CLASP2: variants seen among roughly 807,000 people sequenced by gnomAD.
CLASP2 encodes cytoplasmic linker associated protein 2.
Under a neutral mutation model 194.4 loss-of-function variants are expected in CLASP2, and 47 were observed. The ratio of observed to expected loss-of-function variants is 0.24; its 90% confidence interval spans 0.19 to 0.31. CLASP2 has a LOEUF of 0.31. Ranked by LOEUF, CLASP2 falls within the 10% of genes least tolerant of loss-of-function variation. CLASP2 has a pLI of 1.00. For missense variants in CLASP2, 1,445 were observed against 1,823.6 expected (o/e 0.79, Z 3.78); for synonymous variants, 619 against 633.5 (o/e 0.98, Z 0.34).
chr3:33,527,065 A>T (rs1478765027), intron 34 of CLASP2, among the ~76,000 whole-genome samples: 2 of 152,242 alleles, frequency 1.3e-5, no homozygotes, highest in African/African-American at 4.8e-5. Flanking sequence ...AACTGAAAGA[A>T]TTAGAGAAGG....
chr3:33,520,792 T>C (rs1375412016), intron 34 of CLASP2, among the ~76,000 whole-genome samples: 4 of 150,904 alleles, frequency 2.7e-5, no homozygotes, highest in African/African-American at 7.3e-5. Context: ...TGGTTTTTGA[T>C]AGATATGGAA....
At chr3:33,526,869 C>T (rs531611950) in intron 34 of CLASP2, among the ~76,000 whole-genome samples, 1 of 152,080 alleles carries the variant, frequency 6.6e-6, no homozygotes, top group South Asian at 2.1e-4. Context: ...CAACACGCCC[C>T]TGAATTACTT....
chr3:33,623,366 T>C (rs2077434161), intron 10 of CLASP2, among the ~76,000 whole-genome samples: 1 of 152,154 alleles, frequency 6.6e-6, no homozygotes, highest in South Asian at 2.1e-4. Flanking sequence ...ATCTTATTCT[T>C]GCTCTAACTG....
chr3:33,501,122 T>C (rs2046752563), intron 38 of CLASP2, among the ~76,000 whole-genome samples: 1 of 152,156 alleles, frequency 6.6e-6, no homozygotes, highest in Non-Finnish European at 1.5e-5. Flanking sequence ...TTTTTTTAAG[T>C]CTGAACAATG....
intron 34 of CLASP2, among the ~76,000 whole-genome samples, chr3:33,525,071 T>C (rs575278431): frequency 1.3e-5 from 2 of 152,142 alleles, no homozygotes; most frequent in African/African-American, 2.4e-5. Flanking sequence ...ATATAAAACA[T>C]AGTATCTTCT....
chr3:33,709,271 A>G (rs1390616024), intron 1 of CLASP2, among the ~76,000 whole-genome samples: 1 of 152,114 alleles, frequency 6.6e-6, no homozygotes, highest in Non-Finnish European at 1.5e-5. Flanking sequence ...TTTTGAGGTA[A>G]TTATTGTGTA....
intron 6 of CLASP2, among the ~76,000 whole-genome samples, chr3:33,672,782 C>G (rs1027928400): frequency 2.6e-5 from 4 of 152,106 alleles, no homozygotes; most frequent in Non-Finnish European, 1.5e-5. Flanking sequence ...GGCTCGAGAA[C>G]TACATGAAAA....
chr3:33,498,519 C>A lies in CLASP2; in HGVS notation c.*112G>T. On this transcript the variant is annotated 3_prime_UTR_variant, in exon 39 of 39. Transcript: ENST00000682230. ...AACGAAACGAAACAAAAAACTAAAA[C>A]TGGGAAACAATAGTAAGTTCCAAAG... 3.1e-6 allele frequency: 2 copies of A among 646,300 alleles called. No individual in the cohort carries two copies. The highest frequency in any genetic ancestry group is 1.8e-5 in the African/African-American group (1 of 54,276). 40.0% of individuals were successfully genotyped at this position (646,300 alleles called of 1,614,324 possible). A position where few individuals can be genotyped will look rare whatever the true frequency, so the allele number is the denominator to read the frequency against.
intron 18 of CLASP2, among the ~76,000 whole-genome samples, chr3:33,601,108 G>A (rs1022584011): frequency 2.0e-5 from 3 of 151,846 alleles, no homozygotes; most frequent in Non-Finnish European, 2.9e-5. Flanking sequence ...ACAGGCGCTC[G>A]CCACCACGCC....
chr3:33,535,358 G>T lies in CLASP2; in HGVS notation c.3662C>A (p.Pro1221His), dbSNP rs1328469760. 10 of 1,613,708 alleles carry T rather than the reference G, an allele frequency of 6.2e-6. No homozygotes were observed. The highest frequency in any genetic ancestry group is 1.3e-5 in the African/African-American group (1 of 74,878). Reference sequence around the variant, plus strand: ...TCGAGAGCGTGGAGAGGAGTGAGTAGGCATTGAATGGAGCAATGAAGCTTT... The same window carrying T: ...TCGAGAGCGTGGAGAGGAGTGAGTATGCATTGAATGGAGCAATGAAGCTTT... ...DNKASLLHSM[P>H]THSSPRSRDY... is the part of the protein sequence containing the mutation. Residue 1221 changes from proline to histidine, a missense_variant, in exon 34 of 39, where the codon CCT (proline) becomes CAT (histidine). Around this residue, in one of 4 missense-constraint regions of CLASP2, gnomAD observed 732 missense variants for 987.9 expected, o/e 0.74. Transcript: ENST00000682230.
intron 18 of CLASP2, chr3:33,602,659 C>A: frequency 1.4e-6 from 1 of 711,088 alleles, no homozygotes; most frequent in Non-Finnish European, 2.6e-6. Flanking sequence ...CCTTCCCAAA[C>A]CCCCTTAGAA....
Position 33,545,248 on chromosome 3 carries a change from T to C in CLASP2, c.3154-407A>G, listed in dbSNP as rs1486983123. ...TTGAAGCTAAAGTAAGTCCGTTCTG[T>C]GGAAATGGGAACAAAATAAAGCTTA... On this transcript the variant is annotated intron_variant, in intron 30 of 38. Transcript: ENST00000682230. The C allele has an allele frequency of 7.2e-5, 11 of 153,030 alleles. No homozygotes were observed. The Admixed American group carries it at 7.2e-4, about 10-fold the overall frequency. 9.5% of individuals were successfully genotyped at this position (153,030 alleles called of 1,614,324 possible).
chr3:33,707,313 AAAAC>A (rs1208513241), intron 1 of CLASP2, among the ~76,000 whole-genome samples: 1 of 152,206 alleles, frequency 6.6e-6, no homozygotes, highest in African/African-American at 2.4e-5. Context: ...TATGAAAACA[AAAAC>A]AAACATTTGA....
intron 6 of CLASP2, among the ~76,000 whole-genome samples, chr3:33,674,355 AAGAAATGAAGGC>A (rs1330153060): frequency 6.6e-6 from 1 of 152,138 alleles, no homozygotes; most frequent in African/African-American, 2.4e-5. Flanking sequence ...TGGGTACATA[AAGAAATGAAGGC>A]AGAAATGAAG....
rs189572728 is a variant in CLASP2, at chr3:33,516,134, C to T, written c.3999G>A (p.Leu1333=). Residue 1333 remains leucine, a synonymous_variant, in exon 36 of 39, where the codon TTG becomes TTA. Coordinates refer to ENST00000682230, the MANE Select transcript of CLASP2 (RefSeq NM_001365631.1). ...LGDKEPTIRA[L]ALKVLREILR... ...GGATTTCTCTTAAAACCTTTAATGC[C>T]AAAGCCCTGATTGTAGGCTAAGAAG... 4 of 1,607,772 alleles carry T rather than the reference C, an allele frequency of 2.5e-6. No individual in the cohort carries two copies. The African/African-American group carries it at 4.0e-5, about 16-fold the overall frequency.
At chr3:33,696,812 G>T in intron 2 of CLASP2, 43 bp downstream of exon 2, 1 of 1,266,356 alleles carries the variant, frequency 7.9e-7, no homozygotes, top group Non-Finnish European at 1.1e-6. Flanking sequence ...AAGTCATCAT[G>T]TCAAATCTTA....
chr3:33,603,158 A>G, intron 17 of CLASP2, 33 bp from the exon 18 acceptor site: 2 of 1,500,478 alleles, frequency 1.3e-6, no homozygotes, highest in Non-Finnish European at 1.8e-6. Flanking sequence ...AACTTATATC[A>G]TTTAAATCAC....
chr3:33,657,731 C>T (rs892752579), intron 7 of CLASP2, among the ~76,000 whole-genome samples: 7 of 152,078 alleles, frequency 4.6e-5, no homozygotes, highest in South Asian at 2.1e-4. Context: ...AAAATAGTTA[C>T]ATAAATTCTT....
chr3:33,584,265 T>G (rs2066838540), intron 22 of CLASP2, among the ~76,000 whole-genome samples: 1 of 150,722 alleles, frequency 6.6e-6, no homozygotes, highest in South Asian at 2.1e-4. Flanking sequence ...TTATAGGGTT[T>G]GTTTGTTTTG....
Sources: allele counts gnomAD v4.1 joint callset (sites outside exome capture counted in the v4.1 genomes callset), GRCh38; gene constraint gnomAD v4.1.1; regional missense constraint gnomAD v4.1.1; transcripts MANE v1.5; gene names NCBI Gene and HGNC (gene_info 2026-07-23, HGNC 2026-07-21).